Variants in MYO1D observed in about 807,000 individuals in gnomAD.
The protein encoded by MYO1D is myosin ID.
A neutral mutation model predicts 122.0 loss-of-function variants in MYO1D; 83 were observed. That is an observed-to-expected ratio of 0.68 (90% CI 0.57 to 0.82). The LOEUF (loss-of-function observed/expected upper bound fraction) is 0.82, where lower values mean the gene tolerates loss of function less well. MYO1D is among the 40% of genes least tolerant of loss of function. The probability of loss-of-function intolerance (pLI) is 0.00; values close to 1 mark genes in which losing one functional copy is unlikely to be tolerated. For missense variants in MYO1D, 1,157 were observed against 1,269.5 expected (o/e 0.91, Z 1.35); for synonymous variants, 464 against 446.9 (o/e 1.04, Z -0.48).
intron 21 of MYO1D, among the ~76,000 whole-genome samples, chr17:32,558,571 TTC>T (rs1266641236): frequency 6.6e-6 from 1 of 152,084 alleles, no homozygotes; most frequent in Non-Finnish European, 1.5e-5. Flanking sequence ...CCCAGAAATG[TTC>T]TTTCTTTTCA....
chr17:32,511,146 C>T (rs1202441389), intron 21 of MYO1D, among the ~76,000 whole-genome samples: 2 of 151,946 alleles, frequency 1.3e-5, no homozygotes, highest in Non-Finnish European at 2.9e-5. Flanking sequence ...CAGAGGACAT[C>T]TGTCCTTTCC....
chr17:32,702,514 A>G (rs1027508769), intron 16 of MYO1D, among the ~76,000 whole-genome samples: 1 of 151,212 alleles, frequency 6.6e-6, no homozygotes, highest in Non-Finnish European at 1.5e-5. Context: ...TCTTTTTCAT[A>G]TCTTTTTCTC....
At chr17:32,738,968 G>T (rs531959473) in intron 13 of MYO1D, among the ~76,000 whole-genome samples, 2 of 152,196 alleles carry the variant, frequency 1.3e-5, no homozygotes, top group Admixed American at 1.3e-4. Context: ...GGTAGCATTG[G>T]CAGTTACAAT....
intron 20 of MYO1D, among the ~76,000 whole-genome samples, chr17:32,616,728 G>T (rs957277627): frequency 6.6e-6 from 1 of 152,176 alleles, no homozygotes. Flanking sequence ...CCCATAGAAA[G>T]ATAGAGGTCT....
At chr17:32,561,256 A>C (rs966791240) in intron 21 of MYO1D, among the ~76,000 whole-genome samples, 1 of 152,166 alleles carries the variant, frequency 6.6e-6, no homozygotes, top group Non-Finnish European at 1.5e-5. Context: ...GAAAATGTGT[A>C]AGAGTAAACC....
intron 8 of MYO1D, 52 bp from the exon 9 acceptor site, chr17:32,760,679 T>C: frequency 1.9e-6 from 3 of 1,546,336 alleles, no homozygotes; most frequent in Non-Finnish European, 2.6e-6. Flanking sequence ...ATGAGTCCTC[T>C]GTTTGGATTT....
chr17:32,821,148 A>G (rs867205402), intron 1 of MYO1D, among the ~76,000 whole-genome samples: 3 of 152,108 alleles, frequency 2.0e-5, no homozygotes, highest in Non-Finnish European at 4.4e-5. Context: ...TTCCTGTGTT[A>G]GTCTGCTAAG....
chr17:32,659,847 A>G (rs1039676522), intron 16 of MYO1D, among the ~76,000 whole-genome samples: 1 of 152,180 alleles, frequency 6.6e-6, no homozygotes, highest in African/African-American at 2.4e-5. Flanking sequence ...TAAACTCTCA[A>G]AGATTCATGG....
chr17:32,613,159 G>T (rs1363798007), intron 20 of MYO1D, among the ~76,000 whole-genome samples: 2 of 151,456 alleles, frequency 1.3e-5, no homozygotes, highest in South Asian at 4.2e-4. Flanking sequence ...CTAGCAAAAA[G>T]TTTTTTTTTA....
intron 20 of MYO1D, among the ~76,000 whole-genome samples, chr17:32,610,144 C>T (rs940661864): frequency 3.3e-5 from 5 of 152,110 alleles, no homozygotes; most frequent in East Asian, 1.9e-4. Context: ...CGGCAAAGAA[C>T]GCTGAAACCA....
At chr17:32,711,658 A>G (rs1226437698) in intron 16 of MYO1D, among the ~76,000 whole-genome samples, 4 of 152,186 alleles carry the variant, frequency 2.6e-5, no homozygotes, top group Admixed American at 2.6e-4. Flanking sequence ...GGGGGAAAAA[A>G]AAAGTCCTTT....
intron 20 of MYO1D, among the ~76,000 whole-genome samples, chr17:32,617,332 C>A (rs116559589): frequency 3.3e-3 from 502 of 152,288 alleles, no homozygotes; most frequent in African/African-American, 0.012. Context: ...CCTCAGTGAA[C>A]ATGCCTTCAA....
chr17:32,512,933 T>C (rs1353922203), intron 21 of MYO1D: 1 of 152,248 alleles, frequency 6.6e-6, no homozygotes, highest in Non-Finnish European at 1.5e-5. Context: ...TTCAGGCACC[T>C]TGAAGCCTGG....
intron 1 of MYO1D, among the ~76,000 whole-genome samples, chr17:32,822,924 A>C (rs2090687751): frequency 6.6e-6 from 1 of 152,272 alleles, no homozygotes; most frequent in East Asian, 1.9e-4. Flanking sequence ...TGGCACATGT[A>C]TACATATGTA....
At chr17:32,815,492 T>A (rs1044474578) in intron 1 of MYO1D, among the ~76,000 whole-genome samples, 1 of 152,218 alleles carries the variant, frequency 6.6e-6, no homozygotes, top group Admixed American at 6.5e-5. Context: ...ATATTTTAAA[T>A]TTTCATGTTA....
At chr17:32,708,215 G>C (rs1480916358) in intron 16 of MYO1D, among the ~76,000 whole-genome samples, 1 of 152,022 alleles carries the variant, frequency 6.6e-6, no homozygotes, top group African/African-American at 2.4e-5. Context: ...AGATAAAGTT[G>C]ATCATAGAAA....
intron 16 of MYO1D, among the ~76,000 whole-genome samples, chr17:32,678,533 T>G (rs1334524491): frequency 6.7e-6 from 1 of 150,170 alleles, no homozygotes; most frequent in Non-Finnish European, 1.5e-5. Context: ...CTTGCGATAG[T>G]TTACTGAGAA....
chr17:32,571,295 A>G (rs1232995074), intron 21 of MYO1D, among the ~76,000 whole-genome samples: 1 of 151,798 alleles, frequency 6.6e-6, no homozygotes, highest in Non-Finnish European at 1.5e-5. Flanking sequence ...ATGGTCAAAA[A>G]CTGACCACAC....
In MYO1D at chr17:32,876,973, A is replaced by G; in HGVS notation, c.-101T>C. The stretch of plus-strand genomic sequence containing the variant: ...GGGGCCGGGGCGAGGCCGCGCCGCG[A>G]GGCTACGGGGAGGGGGCGCGCACGC... On this transcript the variant is annotated 5_prime_UTR_variant, in exon 1 of 22. Coordinates refer to ENST00000318217, the MANE Select transcript of MYO1D (RefSeq NM_015194.3). 1.6e-6 allele frequency: 1 copy of G among 613,006 alleles called. No individual in the cohort carries two copies. The highest frequency in any genetic ancestry group is 2.3e-6 in the Non-Finnish European group (1 of 436,144). 38.0% of individuals were successfully genotyped at this position (613,006 alleles called of 1,614,324 possible).
Sources: allele counts gnomAD v4.1 joint callset (sites outside exome capture counted in the v4.1 genomes callset), GRCh38; gene constraint gnomAD v4.1.1; transcripts MANE v1.5; gene names NCBI Gene and HGNC (gene_info 2026-07-23, HGNC 2026-07-21).